RAB40C: variants seen among roughly 807,000 people sequenced by gnomAD.
RAB40C encodes RAB40C, member RAS oncogene family.
A neutral mutation model predicts 28.1 loss-of-function variants in RAB40C; 8 were observed. The ratio of observed to expected loss-of-function variants is 0.28; its 90% CI spans 0.17 to 0.51. The LOEUF is 0.51. RAB40C is among the 20% of genes least tolerant of loss of function. The probability of loss-of-function intolerance (pLI) is 0.97; values close to 1 mark genes in which losing one functional copy is unlikely to be tolerated. For missense variants in RAB40C, 288 were observed against 405.9 expected (o/e 0.71, Z 2.50); for synonymous variants, 201 against 171.7 (o/e 1.17, Z -1.34).
At chr16:607,386 C>G (rs186824698) in intron 1 of RAB40C, among the ~76,000 whole-genome samples, 326 of 151,936 alleles carry the variant, frequency 2.1e-3, no homozygotes, top group African/African-American at 7.5e-3. Context: ...GCCTGTAATC[C>G]CAGCTACTCG....
At chr16:596,791 G>A (rs1197299398) in intron 1 of RAB40C, among the ~76,000 whole-genome samples, 1 of 152,194 alleles carries the variant, frequency 6.6e-6, no homozygotes, top group Non-Finnish European at 1.5e-5. Context: ...TGGAAGAGGG[G>A]CCTCTTCAGT....
At chr16:594,624 T>C (rs2036072541) in intron 1 of RAB40C, among the ~76,000 whole-genome samples, 2 of 152,134 alleles carry the variant, frequency 1.3e-5, no homozygotes, top group Admixed American at 6.6e-5. Context: ...TGTTTCATTG[T>C]CCTGATGTGT....
chr16:620,116 C>T (rs1391220500), intron 3 of RAB40C, among the ~76,000 whole-genome samples: 1 of 152,174 alleles, frequency 6.6e-6, no homozygotes, highest in African/African-American at 2.4e-5. Flanking sequence ...GGAGTTGGGG[C>T]TGGTGCGGTG....
At position 590,413 on chromosome 16, in the gene RAB40C, C is replaced by G; in HGVS notation, c.122C>G (p.Ser41Cys). 8 of 1,590,716 alleles carry G rather than the reference C, an allele frequency of 5.0e-6. No homozygotes were observed. The highest frequency in any genetic ancestry group is 6.8e-6 in the Non-Finnish European group (8 of 1,170,746). The change falls in exon 1 of 6, where the codon TCC becomes TGC. Residue 41 changes from serine (S) to cysteine (C), a missense_variant. Around this residue, in one of 3 missense-constraint regions of RAB40C, gnomAD observed 78 missense variants for 88.2 expected, o/e 0.88. Transcript: ENST00000248139. ...AGCCTGCAGGACGGCGCGGCAGAGT[C>G]CCCGTACGCCTACAGTAACGGTAAG... ...LESLQDGAAESPYAYSNGIDY... is the reference protein window; with the variant it reads ...LESLQDGAAECPYAYSNGIDY...
intron 1 of RAB40C, among the ~76,000 whole-genome samples, chr16:592,141 C>T (rs1028405428): frequency 3.9e-5 from 6 of 152,366 alleles, no homozygotes; most frequent in South Asian, 2.1e-4. Flanking sequence ...ATGCCATCTA[C>T]GCTGGCGAAC....
At chr16:611,501 G>A (rs1038020431) in intron 1 of RAB40C, among the ~76,000 whole-genome samples, 1 of 152,232 alleles carries the variant, frequency 6.6e-6, no homozygotes, top group East Asian at 1.9e-4. Flanking sequence ...GTCCCTGCTT[G>A]ACAGAACCAC....
At chr16:611,554 G>A (rs542728324) in intron 1 of RAB40C, among the ~76,000 whole-genome samples, 37 of 152,338 alleles carry the variant, frequency 2.4e-4, no homozygotes, top group Non-Finnish European at 4.6e-4. Flanking sequence ...GCCTGAGCGC[G>A]GTGCCTCCCT....
intron 1 of RAB40C, among the ~76,000 whole-genome samples, chr16:607,944 T>C (rs1318433199): frequency 2.6e-5 from 4 of 152,164 alleles, no homozygotes; most frequent in Non-Finnish European, 4.4e-5. Flanking sequence ...AGATTGATGC[T>C]GTGAGACCCC....
At chr16:593,892 T>G (rs922868888) in intron 1 of RAB40C, among the ~76,000 whole-genome samples, 1 of 152,184 alleles carries the variant, frequency 6.6e-6, no homozygotes. Context: ...CCCTGGGTGA[T>G]GGTGGCGAGT....
intron 1 of RAB40C, among the ~76,000 whole-genome samples, chr16:593,789 G>C (rs989532401): frequency 6.6e-6 from 1 of 152,190 alleles, no homozygotes; most frequent in African/African-American, 2.4e-5. Flanking sequence ...CTCTAGGTCT[G>C]GAAAGGCTTT....
chr16:590,383 T>G lies in RAB40C; in HGVS notation c.92T>G (p.Leu31Arg), dbSNP rs777544608. Residue 31 changes from leucine (L) to arginine (R), a missense_variant, in exon 1 of 6, where the codon CTG (leucine) becomes CGG (arginine). Leu to Arg is a moderately radical substitution (Grantham distance 102). This residue lies in a region of RAB40C where 78 missense variants were observed against 88.2 expected (regional missense o/e 0.88). Coordinates refer to ENST00000248139, the MANE Select transcript of RAB40C (RefSeq NM_021168.5). ...AGCGACGTGGGCAAGGGCGAGATCC[T>G]GGAGAGCCTGCAGGACGGCGCGGCA... The part of the protein sequence containing the change: ...GDSDVGKGEI[L>R]ESLQDGAAES... 6.3e-7 allele frequency: 1 copy of G among 1,596,472 alleles called. No individual in the cohort carries two copies. Among genetic ancestry groups the G allele is most frequent in the South Asian group, 1.1e-5 (1 of 89,296 alleles).
chr16:613,191 TCACCTGTAGAATCAGCAGGGACAGCCG>T, intron 1 of RAB40C, among the ~76,000 whole-genome samples: 1 of 131,624 alleles, frequency 7.6e-6, no homozygotes. Context: ...ACAGCCGCCC[TCACCTGTAGAATCAGCAGGGACAGCCG>T]CCCTGGCCTG....
chr16:605,636 C>T (rs1214775409), intron 1 of RAB40C, among the ~76,000 whole-genome samples: 1 of 152,182 alleles, frequency 6.6e-6, no homozygotes, highest in Non-Finnish European at 1.5e-5. Flanking sequence ...GCAGTTGCTC[C>T]CTCCTTCCCC....
Position 627,817 on chromosome 16 carries a change from C to T in RAB40C, c.*195C>T, listed in dbSNP as rs1474935563. The T allele has an allele frequency of 1.9e-5, 11 of 572,990 alleles. No homozygotes were observed. The highest frequency in any genetic ancestry group is 2.2e-5 in the Non-Finnish European group (8 of 364,596). The allele number at this position is 572,990 out of a possible 1,614,324, so 35.5% of individuals were successfully genotyped here. ...AAGCGCGGCAGGCGGGAGGAGGGGG[C>T]GCGGCTGGGCTGCTGGTGCTTCCGG... On this transcript the variant is annotated 3_prime_UTR_variant, in exon 6 of 6. Transcript: ENST00000248139.
chr16:607,414 A>G (rs1440818140), intron 1 of RAB40C, among the ~76,000 whole-genome samples: 2 of 151,058 alleles, frequency 1.3e-5, no homozygotes, highest in African/African-American at 2.4e-5. Flanking sequence ...GAGGCAGGAG[A>G]ATCACTTGAA....
chr16:613,880 G>A lies in RAB40C; in HGVS notation c.143-3328G>A, dbSNP rs76581531. Among the ~76,000 whole-genome samples the A allele has an allele frequency of 6.4e-3, 971 of 152,220 alleles. 8 individuals carry two copies. The highest frequency in any genetic ancestry group is 0.022 in the African/African-American group (920 of 41,520). Reference sequence around the variant, plus strand: ...ACGTGCATAGCCCTGGACTTGAGGAGCAGGATTCCTGACTGGCTTGCTGTG... The same window carrying A: ...ACGTGCATAGCCCTGGACTTGAGGAACAGGATTCCTGACTGGCTTGCTGTG... On this transcript the variant is annotated intron_variant, in intron 1 of 5. Transcript: ENST00000248139.
In RAB40C at chr16:617,260, G is replaced by A. The variant is rs367544212; in HGVS notation, c.195G>A (p.Leu65=). The part of the protein sequence containing the change: ...TILLDGRRVK[L]ELWDTSGQGR... ...TGCTGGACGGCCGGCGCGTGAAGCT[G>A]GAGCTCTGGTGAGTTGGGGCTGCGG... Residue 65 remains leucine, a synonymous_variant, in exon 2 of 6, where the codon CTG becomes CTA. Transcript: ENST00000248139. 12 of 1,614,186 alleles carry A rather than the reference G, an allele frequency of 7.4e-6. No homozygotes were observed. The African/African-American group carries it at 1.3e-4, about 18-fold the overall frequency.
At chr16:596,673 G>A (rs1171413392) in intron 1 of RAB40C, among the ~76,000 whole-genome samples, 1 of 152,234 alleles carries the variant, frequency 6.6e-6, no homozygotes, top group African/African-American at 2.4e-5. Context: ...GAACTGGCGG[G>A]TGTCAGGGAC....
intron 1 of RAB40C, 123 bp downstream of exon 1, chr16:590,556 T>G (rs1596393421): frequency 7.9e-7 from 1 of 1,257,954 alleles, no homozygotes; most frequent in African/African-American, 1.6e-5. Flanking sequence ...CGCCTTTGCC[T>G]GGCTTCCAGA....
Sources: gnomAD v4.1 joint callset for allele counts (sites outside exome capture counted in the v4.1 genomes callset) on GRCh38, gnomAD v4.1.1 for gene constraint, gnomAD v4.1.1 regional missense constraint, MANE v1.5 for transcripts, NCBI Gene and HGNC (gene_info 2026-07-23, HGNC 2026-07-21) for gene names.